JAK2: variants seen among roughly 807,000 people sequenced by gnomAD.
JAK2 encodes the protein Janus kinase 2, also known as tyrosine-protein kinase JAK2.
A neutral mutation model predicts 139.3 loss-of-function variants in JAK2; 86 were observed. The observed-to-expected ratio is 0.62, with a 90% CI of 0.52 to 0.74. The LOEUF is 0.74. Among genes scored for constraint, JAK2 ranks in the 30% least tolerant of loss-of-function variants. The pLI, the probability that JAK2 is intolerant of heterozygous loss-of-function variation, is 0.00. For synonymous variants in JAK2, 490 were observed against 437.7 expected, an observed-to-expected ratio of 1.12 and a Z score of -1.49; for missense variants, 1,421 against 1,360.3, an observed-to-expected ratio of 1.04 and a Z score of -0.70.
chr9:5,045,279 A>C (rs1816922123), intron 5 of JAK2, among the ~76,000 whole-genome samples: 1 of 152,182 alleles, frequency 6.6e-6, no homozygotes, highest in South Asian at 2.1e-4. Flanking sequence ...TGTAGGAAAC[A>C]AGCCCACAGA....
At chr9:5,016,785 C>T (rs989251804) in intron 2 of JAK2, among the ~76,000 whole-genome samples, 1 of 152,152 alleles carries the variant, frequency 6.6e-6, no homozygotes, top group Admixed American at 6.5e-5. Flanking sequence ...TAACCATTAT[C>T]CTAACTTTTT....
At chr9:5,122,281 C>T (rs1458106993) in intron 22 of JAK2, among the ~76,000 whole-genome samples, 1 of 152,098 alleles carries the variant, frequency 6.6e-6, no homozygotes, top group Non-Finnish European at 1.5e-5. Flanking sequence ...CCAAAACGTT[C>T]CCTTGGATAG....
intron 14 of JAK2, among the ~76,000 whole-genome samples, 185 bp downstream of exon 14, chr9:5,073,970 T>C (rs1324160088): frequency 6.6e-6 from 1 of 152,134 alleles, no homozygotes; most frequent in Non-Finnish European, 1.5e-5. Context: ...AGGAAAGCAA[T>C]GAAGTTAAAA....
chr9:5,023,371 G>T lies in JAK2; in HGVS notation c.226+1158G>T, dbSNP rs564684073. 3.9e-5 allele frequency among the ~76,000 whole-genome samples: 6 copies of T among 152,256 alleles called. No homozygotes were observed. The South Asian group carries it at 8.3e-4, about 21-fold the overall frequency. The stretch of plus-strand genomic sequence containing the variant: ...TTTACGATGCCACTGGGCCCCAGGG[G>T]AGTACGCATTCTGTTGTGAGCTGGG... On this transcript the variant is annotated intron_variant, in intron 3 of 24. Coordinates refer to ENST00000381652, the MANE Select transcript of JAK2 (RefSeq NM_004972.4).
chr9:5,005,047 G>A (rs1397575120), intron 2 of JAK2, among the ~76,000 whole-genome samples: 7 of 129,054 alleles, frequency 5.4e-5, no homozygotes, highest in Non-Finnish European at 1.1e-4. Flanking sequence ...CTCTTGAGTA[G>A]TTGGGACTGC....
At chr9:5,049,573 T>G (rs1313425403) in intron 5 of JAK2, among the ~76,000 whole-genome samples, 1 of 152,216 alleles carries the variant, frequency 6.6e-6, no homozygotes, top group African/African-American at 2.4e-5. Context: ...TGAAGGAGCT[T>G]TTGTGTGGTG....
rs116498505 is a variant in JAK2, at chr9:5,002,291, C to A, written c.-26+16269C>A. ...TCATAAGCATTTATAGCTATACATTCTCTCTAACCACTATTTTAGCTGTAT... is the reference window on the plus strand; with the variant it reads ...TCATAAGCATTTATAGCTATACATTATCTCTAACCACTATTTTAGCTGTAT... On this transcript the variant is annotated intron_variant, in intron 2 of 24. Coordinates refer to ENST00000381652, the MANE Select transcript of JAK2 (RefSeq NM_004972.4). Among the ~76,000 whole-genome samples, 819 of 151,940 alleles carry A rather than the reference C, an allele frequency of 5.4e-3. 12 individuals are homozygous for A. Among genetic ancestry groups the A allele is most frequent in the African/African-American group, 0.019 (776 of 41,508 alleles).
At chr9:5,106,841 T>C (rs999966629) in intron 22 of JAK2, among the ~76,000 whole-genome samples, 6 of 151,580 alleles carry the variant, frequency 4.0e-5, no homozygotes, top group Admixed American at 6.6e-5. Context: ...TAGGTGGGAG[T>C]TGAACAATGA....
At chr9:5,083,684 T>C (rs1381401099) in intron 19 of JAK2, among the ~76,000 whole-genome samples, 1 of 152,260 alleles carries the variant, frequency 6.6e-6, no homozygotes, top group East Asian at 1.9e-4. Context: ...TATATACTGG[T>C]ATTTAAGAAG....
intron 2 of JAK2, among the ~76,000 whole-genome samples, 157 bp downstream of exon 2, chr9:4,986,179 G>T (rs1413982885): frequency 1.3e-5 from 2 of 152,208 alleles, no homozygotes; most frequent in Non-Finnish European, 2.9e-5. Flanking sequence ...GTTGATCTGG[G>T]AGAGTAATTT....
intron 4 of JAK2, among the ~76,000 whole-genome samples, chr9:5,036,545 A>C (rs1208694441): frequency 1.3e-5 from 2 of 151,652 alleles, no homozygotes; most frequent in Non-Finnish European, 3.0e-5. Flanking sequence ...ACCAATGGAA[A>C]GAAATAATGC....
chr9:5,117,920 A>C (rs1348841702), intron 22 of JAK2, among the ~76,000 whole-genome samples: 2 of 152,232 alleles, frequency 1.3e-5, no homozygotes, highest in Non-Finnish European at 1.5e-5. Context: ...CCTTTTAAGT[A>C]TATATGCTCA....
At chr9:5,073,677 T>C (rs749560269) in intron 13 of JAK2, 21 bp from the exon 14 acceptor site, 7 of 1,566,296 alleles carry the variant, frequency 4.5e-6, no homozygotes, top group Non-Finnish European at 2.6e-6. Flanking sequence ...AACAATTCTT[T>C]GTACTTTTTT....
chr9:5,075,276 G>A (rs1200194686), intron 14 of JAK2, among the ~76,000 whole-genome samples: 2 of 152,202 alleles, frequency 1.3e-5, no homozygotes, highest in Non-Finnish European at 2.9e-5. Context: ...GATGAAGATG[G>A]TGACACTAAC....
chr9:5,127,936 G>A lies in JAK2; in HGVS notation c.*1145G>A, dbSNP rs113064951. ...TTAATTTTATTCAAGAATGCCAGTA[G>A]AAAATTCATAACGTGTATCTTTAAG... On this transcript the variant is annotated 3_prime_UTR_variant, in exon 25 of 25. Coordinates refer to ENST00000381652, the MANE Select transcript of JAK2 (RefSeq NM_004972.4). The A allele has an allele frequency of 1.8e-4, 41 of 232,346 alleles. No individual in the cohort carries two copies. The Middle Eastern group carries it at 3.8e-3, about 22-fold the overall frequency. 14.4% of individuals were successfully genotyped at this position (232,346 alleles called of 1,614,324 possible).
At chr9:5,083,590 T>C (rs1436181635) in intron 19 of JAK2, among the ~76,000 whole-genome samples, 1 of 152,166 alleles carries the variant, frequency 6.6e-6, no homozygotes, top group African/African-American at 2.4e-5. Flanking sequence ...TTGCCCTTTT[T>C]TTCCTTGACT....
intron 23 of JAK2, among the ~76,000 whole-genome samples, chr9:5,124,259 A>T (rs1823832023): frequency 6.6e-6 from 1 of 151,648 alleles, no homozygotes; most frequent in African/African-American, 2.4e-5. Context: ...TATGCTTTTG[A>T]GGTCTTTGCC....
Position 5,077,511 on chromosome 9 carries a change from T to A in JAK2, c.1923T>A (p.Asn641Lys), listed in dbSNP as rs900318689. 2 of 1,452,894 alleles carry A rather than the reference T, an allele frequency of 1.4e-6. No individual in the cohort carries two copies. Among genetic ancestry groups the A allele is most frequent in the Non-Finnish European group, 1.8e-6 (2 of 1,087,216 alleles). The allele number at this position is 1,452,894 out of a possible 1,614,324, so 90.0% of individuals were successfully genotyped here. The change falls in exon 15 of 25, where the codon AAT (asparagine) becomes AAA (lysine). Residue 641 changes from asparagine to lysine, a missense_variant. By Grantham distance (94) the Asn-to-Lys change is moderately conservative. Transcript: ENST00000381652. Reference protein sequence around the residue: ...FGSLDTYLKKNKNCINILWKL... With the variant: ...FGSLDTYLKKKKNCINILWKL... ...CACTAGATACATATCTGAAAAAGAA[T>A]AAAAATTGTATAAATATATTATGGA...
At chr9:5,052,741 A>G (rs907915933) in intron 6 of JAK2, among the ~76,000 whole-genome samples, 1 of 152,046 alleles carries the variant, frequency 6.6e-6, no homozygotes, top group Non-Finnish European at 1.5e-5. Flanking sequence ...ATCATGCAAA[A>G]TGTGGTGTGG....
Sources: gnomAD v4.1 joint callset for allele counts (sites outside exome capture counted in the v4.1 genomes callset) on GRCh38, gnomAD v4.1.1 for gene constraint, MANE v1.5 for transcripts, NCBI Gene and HGNC (gene_info 2026-07-23, HGNC 2026-07-21) for gene names.